GALNT18: variants seen among roughly 807,000 people sequenced by gnomAD.
GALNT18 encodes polypeptide N-acetylgalactosaminyltransferase 18.
Under a neutral mutation model 69.5 loss-of-function variants are expected in GALNT18, and 44 were observed. The ratio of observed to expected loss-of-function variants is 0.63; its 90% CI spans 0.50 to 0.81. The LOEUF is 0.81. Among genes scored for constraint, GALNT18 ranks in the 40% least tolerant of loss-of-function variants. The pLI is 0.00. For synonymous variants in GALNT18, 364 were observed against 318.2 expected (o/e 1.14, Z -1.53); for missense variants, 715 against 810.0 (o/e 0.88, Z 1.42).
At chr11:11,611,473 G>A (rs1015551125) in intron 1 of GALNT18, among the ~76,000 whole-genome samples, 14 of 152,160 alleles carry the variant, frequency 9.2e-5, no homozygotes, top group African/African-American at 1.4e-4. Flanking sequence ...AGCAAAGACC[G>A]GATGCGGCAC....
rs1454272146 is a variant in GALNT18, at chr11:11,587,647, A to T, written c.235+33712T>A. Among the ~76,000 whole-genome samples, 1 of 152,202 alleles carries T rather than the reference A, an allele frequency of 6.6e-6. No individual in the cohort carries two copies. Among genetic ancestry groups the T allele is most frequent in the Non-Finnish European group, 1.5e-5 (1 of 68,034 alleles). ...CCTCACCAATGCTGTTTCCAAAGTTATATCCTAGAGAAGTAATACCAGTCA... is the reference window on the plus strand; with the variant it reads ...CCTCACCAATGCTGTTTCCAAAGTTTTATCCTAGAGAAGTAATACCAGTCA... On this transcript the variant is annotated intron_variant, in intron 1 of 10. Coordinates refer to ENST00000227756, the MANE Select transcript of GALNT18 (RefSeq NM_198516.3). This position sits in a 1 kb window ranked among gnomAD's most constrained non-coding sequence, Gnocchi z 4.4.
intron 4 of GALNT18, among the ~76,000 whole-genome samples, chr11:11,378,855 G>C (rs1312051664): frequency 6.6e-6 from 1 of 152,146 alleles, no homozygotes; most frequent in Non-Finnish European, 1.5e-5. Flanking sequence ...ATTAGGCACC[G>C]TGTGCTGACC....
chr11:11,436,075 G>A lies in GALNT18; in HGVS notation c.429-3288C>T, dbSNP rs988679576. Among the ~76,000 whole-genome samples the A allele has an allele frequency of 7.2e-5, 11 of 152,216 alleles. No individual in the cohort carries two copies. Among genetic ancestry groups the A allele is most frequent in the African/African-American group, 2.2e-4 (9 of 41,456 alleles). On this transcript the variant is annotated intron_variant, in intron 2 of 10. Coordinates refer to ENST00000227756, the MANE Select transcript of GALNT18 (RefSeq NM_198516.3). The surrounding 1 kb of genome is among the most constrained non-coding windows in gnomAD (Gnocchi z 4.5). ...CACACCTGACCTAATGTGGCCCTGCGTGAGCAGAGAGGCGAGGGGTGGGCA... is the reference window on the plus strand; with the variant it reads ...CACACCTGACCTAATGTGGCCCTGCATGAGCAGAGAGGCGAGGGGTGGGCA...
chr11:11,536,959 T>C (rs1271234792), intron 1 of GALNT18, among the ~76,000 whole-genome samples: 1 of 152,264 alleles, frequency 6.6e-6, no homozygotes, highest in East Asian at 1.9e-4. Flanking sequence ...TGTGTGGTGC[T>C]GGTTCTTCCT....
rs753055498 is a variant in GALNT18, at chr11:11,435,532, G to A, written c.429-2745C>T. Among the ~76,000 whole-genome samples, 2 of 152,102 alleles carry A rather than the reference G, an allele frequency of 1.3e-5. No individual in the cohort carries two copies. Among genetic ancestry groups the A allele is most frequent in the Non-Finnish European group, 2.9e-5 (2 of 68,018 alleles). ...ACACATTCTCTAGGGCATCACATTCGAACCTGTTTATTGTCTGCCCCTCTC... is the reference window on the plus strand; with the variant it reads ...ACACATTCTCTAGGGCATCACATTCAAACCTGTTTATTGTCTGCCCCTCTC... On this transcript the variant is annotated intron_variant, in intron 2 of 10. Transcript: ENST00000227756. This position sits in a 1 kb window ranked among gnomAD's most constrained non-coding sequence, Gnocchi z 4.4.
At position 11,404,768 on chromosome 11, in the gene GALNT18, G is replaced by A. The variant is rs553227687; in HGVS notation, c.596-25504C>T. 4.6e-5 allele frequency among the ~76,000 whole-genome samples: 7 copies of A among 152,034 alleles called. No homozygotes were observed. In the East Asian group the frequency reaches 7.7e-4, roughly 17 times the overall value. On this transcript the variant is annotated intron_variant, in intron 3 of 10. Transcript: ENST00000227756. The surrounding 1 kb of genome is among the most constrained non-coding windows in gnomAD (Gnocchi z 4.5). ...CAACCTTCCTCCCGGCTCCAGCCCC[G>A]CACAGACCCTGACCATACCCTGGCG...
Position 11,436,059 on chromosome 11 carries a change from C to T in GALNT18, c.429-3272G>A, listed in dbSNP as rs1855394484. On this transcript the variant is annotated intron_variant, in intron 2 of 10. Coordinates refer to ENST00000227756, the MANE Select transcript of GALNT18 (RefSeq NM_198516.3). This position sits in a 1 kb window ranked among gnomAD's most constrained non-coding sequence, Gnocchi z 4.5. ...CAGCCTTCAGTTTCTCCACACCTGA[C>T]CTAATGTGGCCCTGCGTGAGCAGAG... Among the ~76,000 whole-genome samples, 1 of 152,218 alleles carries T rather than the reference C, an allele frequency of 6.6e-6. No homozygotes were observed. Among genetic ancestry groups the T allele is most frequent in the Non-Finnish European group, 1.5e-5 (1 of 68,038 alleles).
intron 10 of GALNT18, among the ~76,000 whole-genome samples, chr11:11,276,211 G>A (rs1848942889): frequency 6.6e-6 from 1 of 152,170 alleles, no homozygotes; most frequent in Non-Finnish European, 1.5e-5. Context: ...ATGTCCTTGA[G>A]CAGTGCTTTG....
At position 11,600,058 on chromosome 11, in the gene GALNT18, C is replaced by A. The variant is rs976164846; in HGVS notation, c.235+21301G>T. Among the ~76,000 whole-genome samples, 1 of 149,512 alleles carries A rather than the reference C, an allele frequency of 6.7e-6. No homozygotes were observed. Among genetic ancestry groups the A allele is most frequent in the Admixed American group, 6.6e-5 (1 of 15,172 alleles). On this transcript the variant is annotated intron_variant, in intron 1 of 10. Coordinates refer to ENST00000227756, the MANE Select transcript of GALNT18 (RefSeq NM_198516.3). This position sits in a 1 kb window ranked among gnomAD's most constrained non-coding sequence, Gnocchi z 4.8. ...TCCTATATAATTCTATTCCCTCCTCCATATTTTTGTGCTTCCTGTTAATAT... is the reference window on the plus strand; with the variant it reads ...TCCTATATAATTCTATTCCCTCCTCAATATTTTTGTGCTTCCTGTTAATAT...
intron 6 of GALNT18, among the ~76,000 whole-genome samples, chr11:11,344,100 G>A (rs1850257889): frequency 6.7e-6 from 1 of 148,352 alleles, no homozygotes. Flanking sequence ...GGTGTAAGCT[G>A]GACCACTGCC....
At chr11:11,381,819 A>G (rs1434369300) in intron 3 of GALNT18, among the ~76,000 whole-genome samples, 1 of 152,166 alleles carries the variant, frequency 6.6e-6, no homozygotes, top group East Asian at 1.9e-4. Flanking sequence ...GAGCAGAGAC[A>G]GGCTGCCCAG....
At chr11:11,328,691 T>C (rs1457088131) in intron 8 of GALNT18, among the ~76,000 whole-genome samples, 1 of 152,192 alleles carries the variant, frequency 6.6e-6, no homozygotes, top group Non-Finnish European at 1.5e-5. Context: ...GAGCCCCCAG[T>C]AGCATTTCTG....
At chr11:11,276,059 C>T (rs535253725) in intron 10 of GALNT18, among the ~76,000 whole-genome samples, 8 of 152,214 alleles carry the variant, frequency 5.3e-5, no homozygotes, top group Non-Finnish European at 1.2e-4. Context: ...TTTTCTCTAA[C>T]TCTGTGAAGA....
intron 1 of GALNT18, among the ~76,000 whole-genome samples, chr11:11,559,543 T>C (rs1239246848): frequency 2.0e-5 from 3 of 152,056 alleles, no homozygotes; most frequent in Middle Eastern, 3.2e-3. Context: ...TAGAATAGAA[T>C]GGGATATGAT....
intron 3 of GALNT18, among the ~76,000 whole-genome samples, chr11:11,408,358 T>A (rs1464102558): frequency 2.8e-5 from 3 of 107,066 alleles, no homozygotes; most frequent in Non-Finnish European, 5.2e-5. Flanking sequence ...GAGCAAGACT[T>A]CATCTCAAAA....
chr11:11,475,235 T>A (rs931564477), intron 1 of GALNT18: 2 of 152,230 alleles, frequency 1.3e-5, no homozygotes, highest in African/African-American at 4.8e-5. Context: ...GCTTTCTACC[T>A]GCACAACACA....
intron 1 of GALNT18, among the ~76,000 whole-genome samples, chr11:11,585,638 G>A (rs1264181954): frequency 2.0e-5 from 3 of 152,138 alleles, no homozygotes; most frequent in South Asian, 4.1e-4. Flanking sequence ...TTACAGGCAT[G>A]AGCCACCGCG....
At chr11:11,551,950 T>C (rs755768530) in intron 1 of GALNT18, among the ~76,000 whole-genome samples, 2 of 152,178 alleles carry the variant, frequency 1.3e-5, no homozygotes, top group African/African-American at 2.4e-5. Context: ...GATTACAAAG[T>C]ACATTGATCA....
At chr11:11,312,455 A>G (rs908755225) in intron 9 of GALNT18, among the ~76,000 whole-genome samples, 1 of 152,242 alleles carries the variant, frequency 6.6e-6, no homozygotes, top group African/African-American at 2.4e-5. Context: ...GAAATGGACC[A>G]TCATAAAGTT....
Sources: gnomAD v4.1 joint callset for allele counts (sites outside exome capture counted in the v4.1 genomes callset) on GRCh38, gnomAD v4.1.1 for gene constraint, Gnocchi (gnomAD v3.1) non-coding constraint, MANE v1.5 for transcripts, NCBI Gene and HGNC (gene_info 2026-07-23, HGNC 2026-07-21) for gene names.